The following MARCHF6 variants were observed in gnomAD, a reference collection of about 807,000 sequenced individuals.
MARCHF6 encodes the protein E3 ubiquitin-protein ligase MARCHF6.
MARCHF6 carries 31 observed loss-of-function variants against 133.7 expected under a neutral mutation model. The observed-to-expected ratio is 0.23, with a 90% confidence interval of 0.17 to 0.31. The LOEUF (loss-of-function observed/expected upper bound fraction) is 0.31, where lower values mean the gene tolerates loss of function less well. Ranked by LOEUF, MARCHF6 falls within the 10% of genes least tolerant of loss-of-function variation. The pLI is 1.00. For missense variants in MARCHF6, 723 were observed against 1,121.6 expected (o/e 0.64, Z 5.08); for synonymous variants, 395 against 402.5 (o/e 0.98, Z 0.22).
At chr5:10,354,335 C>T (rs542012326) in intron 1 of MARCHF6, among the ~76,000 whole-genome samples, 1 of 152,206 alleles carries the variant, frequency 6.6e-6, no homozygotes, top group Non-Finnish European at 1.5e-5. Flanking sequence ...GGCCCTACCC[C>T]CTCGCGACAG....
chr5:10,375,590 G>A (rs1050428228), intron 1 of MARCHF6, among the ~76,000 whole-genome samples: 4 of 152,236 alleles, frequency 2.6e-5, no homozygotes, highest in South Asian at 2.1e-4. Flanking sequence ...GCCCGGGTGC[G>A]GGATCCACTA....
Position 10,385,424 on chromosome 5 carries a change from GGAAA to G in MARCHF6, c.335-1564_335-1561del, listed in dbSNP as rs143455292. The stretch of plus-strand genomic sequence containing the variant: ...AATTTGGAAATTTCAAACAAAGGCA[GGAAA>G]GAAAGGAAGGGAATGCAGAGGAAGG... On this transcript the variant is annotated intron_variant, in intron 4 of 25. Coordinates refer to ENST00000274140, the MANE Select transcript of MARCHF6 (RefSeq NM_005885.4). Among the ~76,000 whole-genome samples the G allele has an allele frequency of 9.3e-3, 1,410 of 152,102 alleles. 7 individuals are homozygous for G. The highest frequency in any genetic ancestry group is 0.011 in the Non-Finnish European group (753 of 67,974).
chr5:10,373,704 T>A (rs1736596817), intron 1 of MARCHF6, among the ~76,000 whole-genome samples: 1 of 152,186 alleles, frequency 6.6e-6, no homozygotes, highest in South Asian at 2.1e-4. Flanking sequence ...CTGTGGCTGC[T>A]ATACCCTACT....
At chr5:10,414,565 C>A in intron 20 of MARCHF6, 63 bp downstream of exon 20, 1 of 1,329,306 alleles carries the variant, frequency 7.5e-7, no homozygotes, top group Non-Finnish European at 1.1e-6. Flanking sequence ...AGCTATTTGA[C>A]AGAGTCTTGC....
At chr5:10,394,417 A>C (rs1738053384) in intron 8 of MARCHF6, among the ~76,000 whole-genome samples, 1 of 152,198 alleles carries the variant, frequency 6.6e-6, no homozygotes, top group South Asian at 2.1e-4. Flanking sequence ...ATTTAAATTT[A>C]AGTAGTATTT....
intron 14 of MARCHF6, among the ~76,000 whole-genome samples, chr5:10,403,161 A>C (rs1240084924): frequency 6.6e-6 from 1 of 152,200 alleles, no homozygotes; most frequent in East Asian, 1.9e-4. Context: ...CATTCATCAA[A>C]AATAGTTCTT....
intron 24 of MARCHF6, 81 bp downstream of exon 24, chr5:10,426,603 G>C: frequency 7.0e-7 from 1 of 1,423,698 alleles, no homozygotes; most frequent in Non-Finnish European, 9.7e-7. Context: ...TAAAAAGGAT[G>C]TCTCACTCCA....
intron 16 of MARCHF6, among the ~76,000 whole-genome samples, chr5:10,406,037 C>T (rs1738868424): frequency 6.6e-6 from 1 of 152,156 alleles, no homozygotes; most frequent in African/African-American, 2.4e-5. Flanking sequence ...CACCTCCTGT[C>T]AGATCAGCCT....
chr5:10,426,529 A>G lies in MARCHF6; in HGVS notation c.2506+7A>G. On this transcript the variant is annotated splice_region_variant and intron_variant, in intron 24 of 25. Coordinates refer to ENST00000274140, the MANE Select transcript of MARCHF6 (RefSeq NM_005885.4). Reference sequence around the variant, plus strand: ...GGTGTTGTTCCTTTACTAGGTACGTAATGCTGGTTGTGGAGCCTTGAAGGA... The same window carrying G: ...GGTGTTGTTCCTTTACTAGGTACGTGATGCTGGTTGTGGAGCCTTGAAGGA... 6.2e-7 allele frequency: 1 copy of G among 1,613,430 alleles called. No homozygotes were observed. The highest frequency in any genetic ancestry group is 8.5e-7 in the Non-Finnish European group (1 of 1,179,802).
chr5:10,364,328 G>C (rs1735999224), intron 1 of MARCHF6, among the ~76,000 whole-genome samples: 1 of 152,204 alleles, frequency 6.6e-6, no homozygotes, highest in African/African-American at 2.4e-5. Context: ...CAGTTATGCA[G>C]AGGGAGTTGG....
intron 1 of MARCHF6, among the ~76,000 whole-genome samples, chr5:10,355,116 T>TC (rs1348664612): frequency 6.6e-6 from 1 of 152,192 alleles, no homozygotes; most frequent in Non-Finnish European, 1.5e-5. Context: ...TTTACACAGG[T>TC]AGTAAGAGGC....
At position 10,392,449 on chromosome 5, in the gene MARCHF6, C is replaced by T. The variant is rs529467895; in HGVS notation, c.766+718C>T. Among the ~76,000 whole-genome samples, 5 of 152,234 alleles carry T rather than the reference C, an allele frequency of 3.3e-5. No individual in the cohort carries two copies. In the South Asian group the frequency reaches 8.3e-4, roughly 25 times the overall value. ...TGAAGTTTATACTGCAGACAAGATG[C>T]CATCTAAATAAATCAACGTCTCGTT... On this transcript the variant is annotated intron_variant, in intron 7 of 25. Coordinates refer to ENST00000274140, the MANE Select transcript of MARCHF6 (RefSeq NM_005885.4).
chr5:10,354,520 A>C lies in MARCHF6; in HGVS notation c.19+603A>C, dbSNP rs1735325231. Reference sequence around the variant, plus strand: ...ATCCATTTGGTTTTAAATCCTTGACACCTATAAGCAGGGTTCTGTTTGTTT... The same window carrying C: ...ATCCATTTGGTTTTAAATCCTTGACCCCTATAAGCAGGGTTCTGTTTGTTT... On this transcript the variant is annotated intron_variant, in intron 1 of 25. Coordinates refer to ENST00000274140, the MANE Select transcript of MARCHF6 (RefSeq NM_005885.4). 1.3e-5 allele frequency: 2 copies of C among 152,044 alleles called. 1 individual carries two copies. The highest frequency in any genetic ancestry group is 4.2e-4 in the South Asian group (2 of 4,816). The allele number at this position is 152,044 out of a possible 1,614,324, so 9.4% of individuals were successfully genotyped here. A position where few individuals can be genotyped will look rare whatever the true frequency, so the allele number is the denominator to read the frequency against.
chr5:10,416,228 T>C (rs1176930907), intron 21 of MARCHF6, among the ~76,000 whole-genome samples: 1 of 152,242 alleles, frequency 6.6e-6, no homozygotes, highest in Non-Finnish European at 1.5e-5. Context: ...CAGTGATTTA[T>C]GTCTGTATGT....
chr5:10,426,645 A>C, intron 24 of MARCHF6, 123 bp downstream of exon 24: 1 of 1,077,206 alleles, frequency 9.3e-7, no homozygotes, highest in Non-Finnish European at 1.3e-6. Context: ...AATCCAGCTA[A>C]GACAATGATT....
At chr5:10,386,027 A>ATT (rs781162216) in intron 4 of MARCHF6, among the ~76,000 whole-genome samples, 5 of 143,116 alleles carry the variant, frequency 3.5e-5, no homozygotes, top group Non-Finnish European at 6.1e-5. Context: ...GTGCTGTCTT[A>ATT]TTTTTTTTTT....
At position 10,435,356 on chromosome 5, in the gene MARCHF6, C is replaced by T. The variant is rs1243904147; in HGVS notation, c.*1672C>T. The T allele has an allele frequency of 3.4e-5, 5 of 147,088 alleles. No individual in the cohort carries two copies. The highest frequency in any genetic ancestry group is 7.6e-5 in the African/African-American group (3 of 39,350). The allele number at this position is 147,088 out of a possible 1,614,324, so 9.1% of individuals were successfully genotyped here. On this transcript the variant is annotated 3_prime_UTR_variant, in exon 26 of 26. Coordinates refer to ENST00000274140, the MANE Select transcript of MARCHF6 (RefSeq NM_005885.4). ...ACACAAGGAGGCGAGGCTATGCGTTCGAGGCCAACCTAGGCAAAATTGGAA... is the reference window on the plus strand; with the variant it reads ...ACACAAGGAGGCGAGGCTATGCGTTTGAGGCCAACCTAGGCAAAATTGGAA...
Position 10,402,445 on chromosome 5 carries a change from T to G in MARCHF6, c.1115T>G (p.Val372Gly), listed in dbSNP as rs1738599803. 1 of 1,613,838 alleles carries G rather than the reference T, an allele frequency of 6.2e-7. No homozygotes were observed. The highest frequency in any genetic ancestry group is 8.5e-7 in the Non-Finnish European group (1 of 1,179,884). ...SRRLLGVCYI[V>G]VKVSLLVVVE... ...CGCTTACTGGGAGTCTGCTATATTG[T>G]TGTTAAGGTAATTCCTGTTATAACT... The change falls in exon 13 of 26, where the codon GTT becomes GGT. Residue 372 changes from valine to glycine, a missense_variant. This residue lies in a region of MARCHF6 where 492 missense variants were observed against 699.5 expected (regional missense o/e 0.70). Coordinates refer to ENST00000274140, the MANE Select transcript of MARCHF6 (RefSeq NM_005885.4).
Position 10,385,171 on chromosome 5 carries a change from C to T in MARCHF6, c.335-1823C>T, listed in dbSNP as rs539259393. 9.2e-5 allele frequency among the ~76,000 whole-genome samples: 14 copies of T among 152,264 alleles called. No individual in the cohort carries two copies. The South Asian group carries it at 1.2e-3, about 14-fold the overall frequency. On this transcript the variant is annotated intron_variant, in intron 4 of 25. Coordinates refer to ENST00000274140, the MANE Select transcript of MARCHF6 (RefSeq NM_005885.4). ...TGGTAGAGATCTGAATAGTGGTTAC[C>T]TTTTGCAGGGGCTGTTGCCTGGGAA...
Sources: gnomAD v4.1 joint callset for allele counts (sites outside exome capture counted in the v4.1 genomes callset) on GRCh38, gnomAD v4.1.1 for gene constraint, gnomAD v4.1.1 regional missense constraint, MANE v1.5 for transcripts, NCBI Gene and HGNC (gene_info 2026-07-23, HGNC 2026-07-21) for gene names.